Variants in KCNJ8 observed in about 807,000 individuals in gnomAD.
KCNJ8 encodes the protein potassium inwardly rectifying channel subfamily J member 8, also known as ATP-sensitive inward rectifier potassium channel 8.
In KCNJ8, 13 loss-of-function variants were observed where a neutral mutation model predicts 28.2. The ratio of observed to expected loss-of-function variants is 0.46; its 90% CI spans 0.30 to 0.73. The LOEUF (loss-of-function observed/expected upper bound fraction) is 0.73. Among genes scored for constraint, KCNJ8 ranks in the 30% least tolerant of loss-of-function variants. KCNJ8 has a pLI of 0.07. For missense variants in KCNJ8, 284 were observed against 542.6 expected (o/e 0.52, Z 4.73); for synonymous variants, 188 against 195.9 (o/e 0.96, Z 0.34).
chr12:21,772,568 T>C (rs537489890), intron 2 of KCNJ8, among the ~76,000 whole-genome samples: 1 of 152,368 alleles, frequency 6.6e-6, no homozygotes, highest in East Asian at 1.9e-4. Flanking sequence ...GAGTACAAAA[T>C]TAAATTGCTT....
chr12:21,769,674 TTAACA>T (rs1341738482), intron 2 of KCNJ8, among the ~76,000 whole-genome samples: 1 of 152,100 alleles, frequency 6.6e-6, no homozygotes, highest in East Asian at 1.9e-4. Context: ...GGTCAGAATA[TTAACA>T]TTAACAGGAG....
chr12:21,766,366 C>G lies in KCNJ8; in HGVS notation c.632G>C (p.Arg211Pro). The change falls in exon 3 of 3, where the codon CGA becomes CCA. Residue 211 changes from arginine (R) to proline (P), a missense_variant. Physicochemically the swap from Arg to Pro is moderately radical, Grantham distance 103 (BLOSUM62 -2). Transcript: ENST00000240662. This position sits in a 1 kb window ranked among gnomAD's most constrained non-coding sequence, Gnocchi z 6.5. ...VRNGKLCFMFRVGDLRKSMII... is the reference protein window; with the variant it reads ...VRNGKLCFMFPVGDLRKSMII... ...CATGCTTTTCCTCAGGTCACCCACT[C>G]GGAACATGAAGCACAGCTTGCCATT... 1.9e-6 allele frequency: 3 copies of G among 1,614,164 alleles called. No homozygotes were observed. Among genetic ancestry groups the G allele is most frequent in the Non-Finnish European group, 1.7e-6 (2 of 1,180,032 alleles).
Position 21,773,290 on chromosome 12 carries a change from T to A in KCNJ8, c.327A>T (p.Gly109=). Residue 109 remains glycine, a synonymous_variant, in exon 2 of 3, where the codon GGA becomes GGT. Coordinates refer to ENST00000240662, the MANE Select transcript of KCNJ8 (RefSeq NM_004982.4). This position sits in a 1 kb window ranked among gnomAD's most constrained non-coding sequence, Gnocchi z 4.6. ...GDIYAYMEKS[G]MEKSGLESTV... ...TGGACTCCAAACCACTTTTCTCCAT[T>A]CCACTTTTCTCCATGTAAGCATAGA... is the stretch of plus-strand genomic sequence containing the variant. 6.2e-7 allele frequency: 1 copy of A among 1,614,004 alleles called. No homozygotes were observed. Among genetic ancestry groups the A allele is most frequent in the African/African-American group, 1.3e-5 (1 of 75,054 alleles).
In KCNJ8 at chr12:21,765,412, C is replaced by T; in HGVS notation, c.*311G>A. The T allele has an allele frequency of 2.4e-6, 1 of 409,794 alleles. No homozygotes were observed. Among genetic ancestry groups the T allele is most frequent in the Non-Finnish European group, 4.5e-6 (1 of 220,370 alleles). 25.4% of individuals were successfully genotyped at this position (409,794 alleles called of 1,614,324 possible). A position where few individuals can be genotyped will look rare whatever the true frequency, so the allele number is the denominator to read the frequency against. On this transcript the variant is annotated 3_prime_UTR_variant, in exon 3 of 3. Transcript: ENST00000240662. ...ACTCATTTCTTGACCAAATTTTGTG[C>T]TCAAGGCCTGTTACTATTAGTGTAA... is the stretch of plus-strand genomic sequence containing the variant.
chr12:21,768,056 G>A (rs1455621258), intron 2 of KCNJ8, among the ~76,000 whole-genome samples: 1 of 151,912 alleles, frequency 6.6e-6, no homozygotes, highest in Non-Finnish European at 1.5e-5. Context: ...GGGTGTGTGT[G>A]GGGGGAAATG....
At chr12:21,769,902 A>G (rs1471424159) in intron 2 of KCNJ8, among the ~76,000 whole-genome samples, 2 of 152,206 alleles carry the variant, frequency 1.3e-5, no homozygotes, top group Admixed American at 1.3e-4. Context: ...GTTTCTTGAG[A>G]TGGAATCTAC....
chr12:21,765,659 T>C lies in KCNJ8; in HGVS notation c.*64A>G, dbSNP rs913734451. ...TTATTGTGTTCCAGCTCTGGTTCAG[T>C]CTGGCAGTGCCCAGCATAAACCGTC... On this transcript the variant is annotated 3_prime_UTR_variant, in exon 3 of 3. Transcript: ENST00000240662. 6 of 1,362,016 alleles carry C rather than the reference T, an allele frequency of 4.4e-6. No homozygotes were observed. The African/African-American group carries it at 7.2e-5, about 16-fold the overall frequency. The allele number at this position is 1,362,016 out of a possible 1,614,324, so 84.4% of individuals were successfully genotyped here.
Position 21,773,212 on chromosome 12 carries a change from C to T in KCNJ8, c.374+31G>A. The T allele has an allele frequency of 2.5e-6, 4 of 1,610,012 alleles. No individual in the cohort carries two copies. The highest frequency in any genetic ancestry group is 3.4e-6 in the Non-Finnish European group (4 of 1,179,302). On this transcript the variant is annotated intron_variant, in intron 2 of 2. Coordinates refer to ENST00000240662, the MANE Select transcript of KCNJ8 (RefSeq NM_004982.4). The surrounding 1 kb of genome is among the most constrained non-coding windows in gnomAD (Gnocchi z 4.6). ...TTTGACATTTTTTCTCTACTGTTTT[C>T]AACCCCTGCCTCATCCCACTACATT...
chr12:21,773,755 T>A lies in KCNJ8; in HGVS notation c.-70-69A>T. 1 of 1,158,512 alleles carries A rather than the reference T, an allele frequency of 8.6e-7. No homozygotes were observed. Among genetic ancestry groups the A allele is most frequent in the Non-Finnish European group, 1.3e-6 (1 of 791,904 alleles). The allele number at this position is 1,158,512 out of a possible 1,614,324, so 71.8% of individuals were successfully genotyped here. On this transcript the variant is annotated intron_variant, in intron 1 of 2. Transcript: ENST00000240662. The surrounding 1 kb of genome is among the most constrained non-coding windows in gnomAD (Gnocchi z 4.6). The stretch of plus-strand genomic sequence containing the variant: ...ATCCTCACCTCTTGGGTCCTTGTAT[T>A]CAAGGATATGTCTGTACATGTGCGA...
rs1451737968 is a variant in KCNJ8 at position 21,773,728 on chromosome 12, C to A, written c.-70-42G>T. ...TTTATTAAAAACTTAAAAACCCACC[C>A]TATCCTCACCTCTTGGGTCCTTGTA... On this transcript the variant is annotated intron_variant, in intron 1 of 2. Transcript: ENST00000240662. The surrounding 1 kb of genome is among the most constrained non-coding windows in gnomAD (Gnocchi z 4.6). The A allele has an allele frequency of 7.0e-7, 1 of 1,419,990 alleles. No homozygotes were observed. The highest frequency in any genetic ancestry group is 9.8e-7 in the Non-Finnish European group (1 of 1,020,404). 88.0% of individuals were successfully genotyped at this position (1,419,990 alleles called of 1,614,324 possible).
rs1940799281 is a variant in KCNJ8 at position 21,773,121 on chromosome 12, A to T, written c.374+122T>A. ...TCTTTATTGTGCTTTTTTGTTTCTG[A>T]AGATTCTAAAACAAACCCTTTATTT... is the stretch of plus-strand genomic sequence containing the variant. On this transcript the variant is annotated intron_variant, in intron 2 of 2. Coordinates refer to ENST00000240662, the MANE Select transcript of KCNJ8 (RefSeq NM_004982.4). The surrounding 1 kb of genome is among the most constrained non-coding windows in gnomAD (Gnocchi z 4.6). 2 of 1,173,458 alleles carry T rather than the reference A, an allele frequency of 1.7e-6. No individual in the cohort carries two copies. The highest frequency in any genetic ancestry group is 1.8e-5 in the Admixed American group (1 of 55,810). The allele number at this position is 1,173,458 out of a possible 1,614,324, so 72.7% of individuals were successfully genotyped here.
intron 1 of KCNJ8, among the ~76,000 whole-genome samples, chr12:21,774,330 CTTTTTTTTTT>C (rs113701092): frequency 5.5e-5 from 7 of 126,962 alleles, no homozygotes; most frequent in African/African-American, 2.0e-4. Context: ...AAATTGAAAA[CTTTTTTTTTT>C]TTTTTTTTTT....
At chr12:21,767,864 A>C (rs1196313642) in intron 2 of KCNJ8, among the ~76,000 whole-genome samples, 3 of 152,128 alleles carry the variant, frequency 2.0e-5, no homozygotes, top group Non-Finnish European at 4.4e-5. Flanking sequence ...AAACGTGCTC[A>C]CTTTGTGTCT....
At chr12:21,771,436 AT>A (rs1346368239) in intron 2 of KCNJ8, among the ~76,000 whole-genome samples, 7 of 152,232 alleles carry the variant, frequency 4.6e-5, no homozygotes, top group African/African-American at 1.4e-4. Flanking sequence ...ATATTGGTCT[AT>A]TTTTTGACTC....
rs779412476 is a variant in KCNJ8, at chr12:21,773,661, C to G, written c.-45G>C. On this transcript the variant is annotated 5_prime_UTR_variant, in exon 2 of 3. Transcript: ENST00000240662. This position sits in a 1 kb window ranked among gnomAD's most constrained non-coding sequence, Gnocchi z 4.6. The stretch of plus-strand genomic sequence containing the variant: ...GCTTAGCCACCTCCCTCTCACCTGC[C>G]TCTCCGTCCCTGGACACCCGTCCTC... 9.3e-6 allele frequency: 15 copies of G among 1,606,156 alleles called. No individual in the cohort carries two copies. The highest frequency in any genetic ancestry group is 1.2e-5 in the Non-Finnish European group (14 of 1,179,864).
In KCNJ8 at chr12:21,773,466, G is replaced by T; in HGVS notation, c.151C>A (p.Arg51Ser). Residue 51 changes from arginine (R) to serine (S), a missense_variant, in exon 2 of 3, where the codon CGT (arginine) becomes AGT (serine). Physicochemically the swap from Arg to Ser is moderately radical, Grantham distance 110. Coordinates refer to ENST00000240662, the MANE Select transcript of KCNJ8 (RefSeq NM_004982.4). This position sits in a 1 kb window ranked among gnomAD's most constrained non-coding sequence, Gnocchi z 4.6. ...GACNLAHKNI[R>S]EQGRFLQDIF... ...TCCTGTAGAAAGCGTCCTTGCTCAC[G>T]GATGTTCTTATGCGCCAGGTTGCAG... 1 of 1,614,272 alleles carries T rather than the reference G, an allele frequency of 6.2e-7. No homozygotes were observed. The highest frequency in any genetic ancestry group is 8.5e-7 in the Non-Finnish European group (1 of 1,180,050).
rs144142787 is a variant in KCNJ8 at position 21,772,108 on chromosome 12, C to A, written c.374+1135G>T. Among the ~76,000 whole-genome samples the A allele has an allele frequency of 2.2e-3, 338 of 152,224 alleles. 1 individual carries two copies. Among genetic ancestry groups the A allele is most frequent in the African/African-American group, 7.4e-3 (308 of 41,518 alleles). ...CCTTGAAAGGCTGGCATTGTAGTTCCTTAGCAAATGGAAGGGTGGACAAGT... is the reference window on the plus strand; with the variant it reads ...CCTTGAAAGGCTGGCATTGTAGTTCATTAGCAAATGGAAGGGTGGACAAGT... On this transcript the variant is annotated intron_variant, in intron 2 of 2. Transcript: ENST00000240662.
In KCNJ8 at chr12:21,765,731, C is replaced by T; in HGVS notation, c.1267G>A (p.Glu423Lys). The T allele has an allele frequency of 6.2e-7, 1 of 1,613,950 alleles. No homozygotes were observed. Among genetic ancestry groups the T allele is most frequent in the Non-Finnish European group, 8.5e-7 (1 of 1,179,846 alleles). Residue 423 changes from glutamate (E) to lysine (K), a missense_variant, in exon 3 of 3, where the codon GAA becomes AAA. This residue lies in a region of KCNJ8 where 50 missense variants were observed against 55.9 expected (regional missense o/e 0.90). Transcript: ENST00000240662. ...TTGGGGTTATCTTGCTGTCATGATT[C>T]CGATGTGTTTTGATTTCCTTCTGGA... ...MTPEGNQNTSES is the reference protein window; with the variant it reads ...MTPEGNQNTSKS
At chr12:21,774,387 A>G (rs71541954) in intron 1 of KCNJ8, among the ~76,000 whole-genome samples, 159 bp downstream of exon 1, 29 of 146,070 alleles carry the variant, frequency 2.0e-4, no homozygotes, top group African/African-American at 5.3e-4. Context: ...TGCGGGGGGG[A>G]AAAAACCCAA....
Sources: allele counts gnomAD v4.1 joint callset (sites outside exome capture counted in the v4.1 genomes callset), GRCh38; gene constraint gnomAD v4.1.1; regional missense constraint gnomAD v4.1.1; non-coding constraint Gnocchi (gnomAD v3.1); transcripts MANE v1.5; gene names NCBI Gene and HGNC (gene_info 2026-07-23, HGNC 2026-07-21).